Variants in CCDC175 observed in about 807,000 individuals in gnomAD.
CCDC175 encodes the protein coiled-coil domain containing 175.
In CCDC175, 100 loss-of-function variants were observed where a neutral mutation model predicts 114.6. That is an observed-to-expected ratio of 0.87 (90% CI 0.74 to 1.03). The LOEUF is 1.03. CCDC175 is among the 50% of genes least tolerant of loss of function. The pLI, the probability that CCDC175 is intolerant of heterozygous loss-of-function variation, is 0.00. For synonymous variants in CCDC175, 306 were observed against 308.7 expected (o/e 0.99, Z 0.09); for missense variants, 880 against 917.8 (o/e 0.96, Z 0.53).
In CCDC175 at chr14:59,556,442, A is replaced by C. The variant is rs998238866; in HGVS notation, c.953+4677T>G. Among the ~76,000 whole-genome samples the C allele has an allele frequency of 7.9e-5, 12 of 152,240 alleles. No individual in the cohort carries two copies. The East Asian group carries it at 1.3e-3, about 17-fold the overall frequency. The stretch of plus-strand genomic sequence containing the variant: ...GCTGAAACTGGATCCCTTCTTTACA[A>C]CTTATACAAAAATTAATTCAAGATG... On this transcript the variant is annotated intron_variant, in intron 7 of 19. Transcript: ENST00000537690.
chr14:59,527,121 C>T lies in CCDC175; in HGVS notation c.1816G>A (p.Asp606Asn), dbSNP rs1336606310. The T allele has an allele frequency of 6.7e-7, 1 of 1,487,472 alleles. No individual in the cohort carries two copies. The highest frequency in any genetic ancestry group is 2.6e-5 in the East Asian group (1 of 38,698). The allele number at this position is 1,487,472 out of a possible 1,614,324, so 92.1% of individuals were successfully genotyped here. ...ATGTTGCTAATGTATCTTGAAAAGT[C>T]CCTTGTAAACAGAAAAATGTGATTG... ...LNNHIFLFTR[D>N]FSRYISNMED... The change falls in exon 15 of 20, where the codon GAC (aspartate) becomes AAC (asparagine). Residue 606 changes from aspartate (D) to asparagine (N), a missense_variant. By Grantham distance (23) the Asp-to-Asn change is conservative (BLOSUM62 1). Coordinates refer to ENST00000537690, the MANE Select transcript of CCDC175 (RefSeq NM_001164399.2).
At chr14:59,536,853 C>G (rs528516456) in intron 13 of CCDC175, among the ~76,000 whole-genome samples, 2 of 151,786 alleles carry the variant, frequency 1.3e-5, no homozygotes, top group African/African-American at 4.8e-5. Flanking sequence ...GTGATCTCGG[C>G]TCACTGCAAC....
chr14:59,546,590 G>A (rs1488762300), intron 8 of CCDC175, among the ~76,000 whole-genome samples: 4 of 152,104 alleles, frequency 2.6e-5, no homozygotes, highest in Non-Finnish European at 4.4e-5. Flanking sequence ...TAACATAGAA[G>A]AAACCACTTG....
Position 59,572,707 on chromosome 14 carries a change from A to G in CCDC175, c.350T>C (p.Leu117Ser), listed in dbSNP as rs1212006143. Residue 117 changes from leucine (L) to serine (S), a missense_variant, in exon 3 of 20, where the codon TTG (leucine) becomes TCG (serine). Leu to Ser is a moderately radical substitution (Grantham distance 145). Transcript: ENST00000537690. Reference protein sequence around the residue: ...ETLPNSIKRELEECVRDARRL... With the variant: ...ETLPNSIKRESEECVRDARRL... ...GTTGATAACCTCAAAAGTACCTTCCAATTCCCTCTTAATGCTATTGGGAAG... is the reference window on the plus strand; with the variant it reads ...GTTGATAACCTCAAAAGTACCTTCCGATTCCCTCTTAATGCTATTGGGAAG... 23 of 1,481,320 alleles carry G rather than the reference A, an allele frequency of 1.6e-5. No individual in the cohort carries two copies. Among genetic ancestry groups the G allele is most frequent in the Non-Finnish European group, 2.0e-5 (22 of 1,121,064 alleles). The allele number at this position is 1,481,320 out of a possible 1,614,324, so 91.8% of individuals were successfully genotyped here. A position where few individuals can be genotyped will look rare whatever the true frequency, so the allele number is the denominator to read the frequency against.
chr14:59,558,247 A>G (rs1024992816), intron 7 of CCDC175, among the ~76,000 whole-genome samples: 2 of 152,194 alleles, frequency 1.3e-5, no homozygotes, highest in African/African-American at 4.8e-5. Context: ...GTCAGGCTAG[A>G]AGTTCAGATT....
intron 8 of CCDC175, among the ~76,000 whole-genome samples, chr14:59,549,973 C>T (rs112567915): frequency 0.016 from 2,480 of 152,004 alleles, 63 homozygotes; most frequent in African/African-American, 0.056. Flanking sequence ...TGCAGTGGTG[C>T]GATCTCAGCT....
chr14:59,575,610 A>G (rs1324457930), intron 1 of CCDC175, among the ~76,000 whole-genome samples: 3 of 150,402 alleles, frequency 2.0e-5, no homozygotes, highest in African/African-American at 7.4e-5. Context: ...TCTGAGTTCA[A>G]CGGATTCTCC....
chr14:59,538,093 T>C lies in CCDC175; in HGVS notation c.1553A>G (p.Glu518Gly). The change falls in exon 13 of 20, where the codon GAA (glutamate) becomes GGA (glycine). Residue 518 changes from glutamate (E) to glycine (G), a missense_variant. By Grantham distance (98) the Glu-to-Gly change is moderately conservative (BLOSUM62 -2). Coordinates refer to ENST00000537690, the MANE Select transcript of CCDC175 (RefSeq NM_001164399.2). ...FVAQIEKLTTELKEEEKAFVN... is the reference protein window; with the variant it reads ...FVAQIEKLTTGLKEEEKAFVN... ...AAATGCTTTCTCCTCTTCTTTTAAT[T>C]CTGTTGTAAGTTTTTCAATCTGTGC... is the stretch of plus-strand genomic sequence containing the variant. 1 of 1,533,418 alleles carries C rather than the reference T, an allele frequency of 6.5e-7. No homozygotes were observed. The allele number at this position is 1,533,418 out of a possible 1,614,324, so 95.0% of individuals were successfully genotyped here.
intron 16 of CCDC175, among the ~76,000 whole-genome samples, chr14:59,524,812 T>C (rs1893651333): frequency 6.6e-6 from 1 of 152,202 alleles, no homozygotes; most frequent in African/African-American, 2.4e-5. Context: ...AGAAACTCTC[T>C]GAATATCCAT....
intron 14 of CCDC175, among the ~76,000 whole-genome samples, chr14:59,530,444 A>AAGGGGAGGGG (rs1336603642): frequency 7.3e-6 from 1 of 136,088 alleles, no homozygotes; most frequent in Non-Finnish European, 1.6e-5. Flanking sequence ...AAAGGAAGGG[A>AAGGGGAGGGG]AGGGGAGGGG....
intron 17 of CCDC175, among the ~76,000 whole-genome samples, chr14:59,515,729 C>T (rs1893039311): frequency 6.6e-6 from 1 of 152,164 alleles, no homozygotes. Flanking sequence ...GATACTTTAA[C>T]ACCCCACTGT....
chr14:59,576,749 C>G lies in CCDC175; in HGVS notation c.27G>C (p.Gly9=), dbSNP rs1398123977. The G allele has an allele frequency of 8.8e-6, 13 of 1,469,950 alleles. No individual in the cohort carries two copies. Among genetic ancestry groups the G allele is most frequent in the East Asian group, 2.9e-5 (1 of 34,872 alleles). The allele number at this position is 1,469,950 out of a possible 1,614,324, so 91.1% of individuals were successfully genotyped here. MALSPWTP[G]LGAGEKLVQA... is the part of the protein sequence containing the mutation. The stretch of plus-strand genomic sequence containing the variant: ...GCACCAGCTTCTCGCCAGCGCCCAG[C>G]CCTGGGGTCCAGGGGCTCAGGGCCA... Residue 9 remains glycine (G), a synonymous_variant, in exon 1 of 20, where the codon GGG becomes GGC. Transcript: ENST00000537690.
intron 17 of CCDC175, among the ~76,000 whole-genome samples, chr14:59,521,110 CA>C: frequency 6.6e-6 from 1 of 152,224 alleles, no homozygotes; most frequent in South Asian, 2.1e-4. Flanking sequence ...GGGTGTTAAC[CA>C]AAGGAGATTC....
chr14:59,523,266 A>G (rs1893527008), intron 16 of CCDC175, among the ~76,000 whole-genome samples: 1 of 152,240 alleles, frequency 6.6e-6, no homozygotes, highest in Non-Finnish European at 1.5e-5. Flanking sequence ...GATGGTATGT[A>G]TCTAGGCTCT....
chr14:59,547,055 C>T (rs1238901322), intron 8 of CCDC175, among the ~76,000 whole-genome samples: 1 of 151,920 alleles, frequency 6.6e-6, no homozygotes, highest in Non-Finnish European at 1.5e-5. Context: ...GCCTGGGCAA[C>T]ACAGGGAGAA....
Position 59,565,240 on chromosome 14 carries a change from C to T in CCDC175, c.527G>A (p.Arg176Lys), listed in dbSNP as rs1286067686. ...AGTTTGGTTGAGTGACAGGACAAAC[C>T]TTGCATGCTTCCTTGCTAGCTCTTC... ...KQEELARKHARFVLSLNQTME... is the reference protein window; with the variant it reads ...KQEELARKHAKFVLSLNQTME... The change falls in exon 5 of 20, where the codon AGG (arginine) becomes AAG (lysine). Residue 176 changes from arginine (R) to lysine (K), a missense_variant. Coordinates refer to ENST00000537690, the MANE Select transcript of CCDC175 (RefSeq NM_001164399.2). 2.6e-6 allele frequency: 4 copies of T among 1,537,456 alleles called. No homozygotes were observed. Among genetic ancestry groups the T allele is most frequent in the Non-Finnish European group, 3.5e-6 (4 of 1,146,986 alleles).
chr14:59,539,649 C>T (rs1270748832), intron 11 of CCDC175, among the ~76,000 whole-genome samples: 1 of 152,010 alleles, frequency 6.6e-6, no homozygotes, highest in Non-Finnish European at 1.5e-5. Context: ...CATGGTGGCT[C>T]ATGCCTGTAA....
At chr14:59,512,927 G>A (rs72712744) in intron 17 of CCDC175, among the ~76,000 whole-genome samples, 305 of 151,902 alleles carry the variant, frequency 2.0e-3, no homozygotes, top group Middle Eastern at 3.4e-3. Context: ...AAGCATACAG[G>A]TGAAGAATTC....
intron 14 of CCDC175, among the ~76,000 whole-genome samples, chr14:59,529,600 G>C (rs1893942532): frequency 6.6e-6 from 1 of 151,938 alleles, no homozygotes; most frequent in South Asian, 2.1e-4. Context: ...TTCTCTTTCT[G>C]CCTCTATCCA....
Sources: gnomAD v4.1 joint callset for allele counts (sites outside exome capture counted in the v4.1 genomes callset) on GRCh38, gnomAD v4.1.1 for gene constraint, MANE v1.5 for transcripts, NCBI Gene and HGNC (gene_info 2026-07-23, HGNC 2026-07-21) for gene names.